The following CCSER1 variants were observed in gnomAD, a reference collection of about 807,000 sequenced individuals.
CCSER1 encodes serine-rich coiled-coil domain-containing protein 1.
In CCSER1, 41 loss-of-function variants were observed where a neutral mutation model predicts 82.0. The ratio of observed to expected loss-of-function variants is 0.50; its 90% confidence interval spans 0.39 to 0.65. The LOEUF is 0.65. Among genes scored for constraint, CCSER1 ranks in the 30% least tolerant of loss-of-function variants. The pLI is 0.00. For missense variants in CCSER1, 1,119 were observed against 1,064.2 expected (o/e 1.05, Z -0.72); for synonymous variants, 414 against 383.9 (o/e 1.08, Z -0.92).
intron 8 of CCSER1, among the ~76,000 whole-genome samples, chr4:90,921,779 T>C (rs1463033975): frequency 6.6e-6 from 1 of 152,010 alleles, no homozygotes; most frequent in African/African-American, 2.4e-5. Flanking sequence ...TTTATATAAT[T>C]ACCGATTTGC....
chr4:91,168,182 C>CT (rs1732335008), intron 10 of CCSER1, among the ~76,000 whole-genome samples: 1 of 116,810 alleles, frequency 8.6e-6, no homozygotes, highest in African/African-American at 3.3e-5. Context: ...GGCCGCCCAT[C>CT]GTCTGGGAAG....
intron 4 of CCSER1, among the ~76,000 whole-genome samples, chr4:90,404,951 A>G (rs1753492851): frequency 6.6e-6 from 1 of 152,154 alleles, no homozygotes; most frequent in African/African-American, 2.4e-5. Flanking sequence ...TGAAAAAACA[A>G]TATTCTTTAA....
chr4:90,598,483 T>C (rs1341087362), intron 5 of CCSER1, among the ~76,000 whole-genome samples: 1 of 152,164 alleles, frequency 6.6e-6, no homozygotes, highest in African/African-American at 2.4e-5. Context: ...TTGTTATCTC[T>C]TACCTTTTTG....
intron 10 of CCSER1, among the ~76,000 whole-genome samples, chr4:91,267,337 CATA>C (rs772076019): frequency 6.6e-6 from 1 of 151,968 alleles, no homozygotes; most frequent in Non-Finnish European, 1.5e-5. Flanking sequence ...AAAAGTATAT[CATA>C]ATCATAATTT....
chr4:91,169,059 G>A (rs948724115), intron 10 of CCSER1, among the ~76,000 whole-genome samples: 1 of 152,014 alleles, frequency 6.6e-6, no homozygotes, highest in African/African-American at 2.4e-5. Flanking sequence ...CACAAACACT[G>A]TGGAAGGCCA....
At chr4:91,288,797 G>A (rs1367528374) in intron 10 of CCSER1, among the ~76,000 whole-genome samples, 1 of 152,024 alleles carries the variant, frequency 6.6e-6, no homozygotes, top group Non-Finnish European at 1.5e-5. Flanking sequence ...TCTTGGGACA[G>A]ATACAAAAAT....
chr4:90,847,231 A>T (rs1763329402), intron 8 of CCSER1, among the ~76,000 whole-genome samples: 2 of 152,192 alleles, frequency 1.3e-5, no homozygotes, highest in Admixed American at 1.3e-4. Context: ...TTTCTGGGAC[A>T]TATATATTAG....
At chr4:90,900,853 T>C (rs1247503235) in intron 8 of CCSER1, among the ~76,000 whole-genome samples, 1 of 151,988 alleles carries the variant, frequency 6.6e-6, no homozygotes, top group Non-Finnish European at 1.5e-5. Context: ...TTGTTAGTTT[T>C]CTGCTTGGAT....
chr4:90,664,021 T>G (rs1269751452), intron 6 of CCSER1: 2 of 168,116 alleles, frequency 1.2e-5, no homozygotes, highest in Non-Finnish European at 2.6e-5. Flanking sequence ...CTCTATTTAG[T>G]TAATAAGAAA....
rs545761862 is a variant in CCSER1, at chr4:91,150,929, C to T, written c.2217+64935C>T. ...TCATCAGGGATATTGGTCTAAAATT[C>T]TCTTTTTTTGTTGTGTCTCTGCCAG... On this transcript the variant is annotated intron_variant, in intron 10 of 10. Coordinates refer to ENST00000509176, the MANE Select transcript of CCSER1 (RefSeq NM_001145065.2). 6.8e-4 allele frequency among the ~76,000 whole-genome samples: 103 copies of T among 152,188 alleles called. 1 individual carries two copies. The highest frequency in any genetic ancestry group is 6.7e-3 in the South Asian group (32 of 4,810).
chr4:90,157,874 C>G (rs903680484), intron 1 of CCSER1, among the ~76,000 whole-genome samples: 2 of 152,188 alleles, frequency 1.3e-5, no homozygotes, highest in Non-Finnish European at 2.9e-5. Context: ...TCTCTCAACT[C>G]GTCAAAGTCA....
chr4:90,674,665 G>A (rs908281635), intron 6 of CCSER1, among the ~76,000 whole-genome samples: 1 of 151,844 alleles, frequency 6.6e-6, no homozygotes, highest in African/African-American at 2.4e-5. Context: ...TCCACAGATA[G>A]TCTCTAGGTT....
chr4:90,704,172 A>G (rs1738795460), intron 6 of CCSER1, among the ~76,000 whole-genome samples: 1 of 152,090 alleles, frequency 6.6e-6, no homozygotes, highest in South Asian at 2.1e-4. Flanking sequence ...AGGCCTGGTG[A>G]TGACAAAATC....
chr4:91,175,030 T>A (rs1031110674), intron 10 of CCSER1, among the ~76,000 whole-genome samples: 8 of 152,110 alleles, frequency 5.3e-5, no homozygotes, highest in Non-Finnish European at 8.8e-5. Context: ...TGTCCGAGTG[T>A]TCTCATTGGT....
At chr4:91,428,422 GCAGTT>G (rs1754113488) in intron 10 of CCSER1, among the ~76,000 whole-genome samples, 1 of 152,014 alleles carries the variant, frequency 6.6e-6, no homozygotes, top group Non-Finnish European at 1.5e-5. Context: ...TATGGCAAAT[GCAGTT>G]GCCTTGCTTT....
chr4:91,269,822 C>T (rs1741889094), intron 10 of CCSER1, among the ~76,000 whole-genome samples: 1 of 152,066 alleles, frequency 6.6e-6, no homozygotes. Flanking sequence ...AAAAAAAATT[C>T]ATACCCCTTT....
intron 9 of CCSER1, among the ~76,000 whole-genome samples, chr4:90,975,622 T>C (rs1735541641): frequency 6.6e-6 from 1 of 151,214 alleles, no homozygotes; most frequent in Non-Finnish European, 1.5e-5. Context: ...GCAACTTCTC[T>C]CTGCCAGGCC....
chr4:91,055,746 C>G (rs1743384775), intron 9 of CCSER1, among the ~76,000 whole-genome samples: 1 of 148,172 alleles, frequency 6.7e-6, no homozygotes, highest in Non-Finnish European at 1.5e-5. Context: ...CCCTCTGCCC[C>G]TCTCCCCCTC....
intron 10 of CCSER1, among the ~76,000 whole-genome samples, chr4:91,160,752 G>GT (rs1346398472): frequency 3.3e-4 from 50 of 151,190 alleles, no homozygotes; most frequent in East Asian, 3.9e-4. Context: ...TGTTGTTGTT[G>GT]TTGTTTTTTT....
Sources: allele counts gnomAD v4.1 joint callset (sites outside exome capture counted in the v4.1 genomes callset), GRCh38; gene constraint gnomAD v4.1.1; transcripts MANE v1.5; gene names NCBI Gene and HGNC (gene_info 2026-07-23, HGNC 2026-07-21).